Variants in MARCHF1 observed in about 807,000 individuals in gnomAD.
The protein encoded by MARCHF1 is E3 ubiquitin-protein ligase MARCHF1.
Under a neutral mutation model 54.2 loss-of-function variants are expected in MARCHF1, and 40 were observed. The ratio of observed to expected loss-of-function variants is 0.74; its 90% CI spans 0.57 to 0.96. MARCHF1 has a LOEUF of 0.96. Ranked by LOEUF, MARCHF1 falls within the 40% of genes least tolerant of loss-of-function variation. MARCHF1 has a pLI of 0.00. For missense variants in MARCHF1, 586 were observed against 656.5 expected (o/e 0.89, Z 1.17); for synonymous variants, 236 against 236.3 (o/e 1.00, Z 0.01).
intron 3 of MARCHF1, among the ~76,000 whole-genome samples, chr4:163,886,564 G>A (rs1750544128): frequency 6.6e-6 from 1 of 152,074 alleles, no homozygotes; most frequent in South Asian, 2.1e-4. Flanking sequence ...AGAATAAGCA[G>A]AGAAGAGGAG....
At chr4:164,187,736 A>C (rs1731009808) in intron 1 of MARCHF1, among the ~76,000 whole-genome samples, 1 of 152,184 alleles carries the variant, frequency 6.6e-6, no homozygotes, top group South Asian at 2.1e-4. Flanking sequence ...CGTTTTTAGT[A>C]ATAAAAATAA....
At chr4:164,119,170 G>A (rs900192432) in intron 1 of MARCHF1, among the ~76,000 whole-genome samples, 1 of 151,456 alleles carries the variant, frequency 6.6e-6, no homozygotes, top group Admixed American at 6.6e-5. Context: ...GTATTCCCCA[G>A]TCACAATGCA....
chr4:164,145,015 G>A (rs200323294), intron 1 of MARCHF1, among the ~76,000 whole-genome samples: 95,602 of 121,026 alleles, frequency 0.79, 37,840 homozygotes, highest in Non-Finnish European at 0.85. Context: ...ACAGAAATAC[G>A]AACTACCGTC....
chr4:164,008,433 GA>G (rs1753343355), intron 2 of MARCHF1, among the ~76,000 whole-genome samples: 1 of 152,024 alleles, frequency 6.6e-6, no homozygotes, highest in African/African-American at 2.4e-5. Flanking sequence ...CATCTAGACA[GA>G]AAATAAAATG....
intron 9 of MARCHF1, among the ~76,000 whole-genome samples, chr4:163,532,859 C>T (rs1238674663): frequency 6.6e-6 from 1 of 151,888 alleles, no homozygotes; most frequent in East Asian, 1.9e-4. Context: ...ACACTGAAAA[C>T]ACTGAACGTT....
intron 1 of MARCHF1, among the ~76,000 whole-genome samples, chr4:164,244,397 C>T (rs1392077270): frequency 1.3e-5 from 2 of 151,942 alleles, no homozygotes; most frequent in African/African-American, 4.8e-5. Context: ...TAAAGATGTT[C>T]TCTGAAACCA....
intron 3 of MARCHF1, among the ~76,000 whole-genome samples, chr4:163,938,663 C>T (rs1213175017): frequency 1.3e-5 from 2 of 152,012 alleles, no homozygotes; most frequent in African/African-American, 4.8e-5. Context: ...GAAGAAATAC[C>T]CCAGGCTGTG....
intron 1 of MARCHF1, among the ~76,000 whole-genome samples, chr4:164,182,409 G>T (rs10517803): frequency 0.15 from 22,157 of 151,736 alleles, 2,161 homozygotes; most frequent in African/African-American, 0.26. Context: ...ATTTTCTAAG[G>T]TAGGTATATA....
At chr4:164,215,089 C>T (rs574066542) in intron 1 of MARCHF1, among the ~76,000 whole-genome samples, 1 of 152,336 alleles carries the variant, frequency 6.6e-6, no homozygotes, top group Non-Finnish European at 1.5e-5. Context: ...CAATTAGACC[C>T]TTCCTTATCA....
At chr4:163,851,942 A>G (rs1304038952) in intron 4 of MARCHF1, among the ~76,000 whole-genome samples, 4 of 152,212 alleles carry the variant, frequency 2.6e-5, no homozygotes, top group African/African-American at 9.6e-5. Context: ...CCCATAACAC[A>G]AGGAAGAAAT....
At chr4:164,295,251 T>C (rs1347371722) in intron 1 of MARCHF1, among the ~76,000 whole-genome samples, 1 of 152,180 alleles carries the variant, frequency 6.6e-6, no homozygotes, top group African/African-American at 2.4e-5. Context: ...GAATAATGTT[T>C]TTCTCCTGGC....
At chr4:163,825,629 A>T in intron 4 of MARCHF1, among the ~76,000 whole-genome samples, 1 of 151,998 alleles carries the variant, frequency 6.6e-6, no homozygotes, top group Non-Finnish European at 1.5e-5. Context: ...TTTTAATAGT[A>T]GCCATTCTGA....
At chr4:163,874,377 T>G (rs12504215) in intron 3 of MARCHF1, among the ~76,000 whole-genome samples, 91,098 of 151,924 alleles carry the variant, frequency 0.6, 29,549 homozygotes, top group South Asian at 0.76. Flanking sequence ...CCGTTCAATA[T>G]CAGCTCTACA....
intron 5 of MARCHF1, among the ~76,000 whole-genome samples, chr4:163,667,964 G>T (rs559698487): frequency 6.6e-6 from 1 of 152,088 alleles, no homozygotes; most frequent in Non-Finnish European, 1.5e-5. Flanking sequence ...GATTTTTACG[G>T]TCCTGCTTTT....
chr4:164,173,319 C>A (rs1730578179), intron 1 of MARCHF1, among the ~76,000 whole-genome samples: 1 of 152,062 alleles, frequency 6.6e-6, no homozygotes, highest in Non-Finnish European at 1.5e-5. Flanking sequence ...TTATTTGCTC[C>A]AAAATGCATA....
chr4:163,846,211 T>A (rs1749481171), intron 4 of MARCHF1, among the ~76,000 whole-genome samples: 1 of 152,206 alleles, frequency 6.6e-6, no homozygotes, highest in Non-Finnish European at 1.5e-5. Context: ...CTCTATCTGC[T>A]CTGACTTGAT....
At chr4:164,275,941 T>G (rs1305084803) in intron 1 of MARCHF1, among the ~76,000 whole-genome samples, 1 of 152,220 alleles carries the variant, frequency 6.6e-6, no homozygotes, top group Non-Finnish European at 1.5e-5. Flanking sequence ...CATTACACTA[T>G]TAATTTGTCA....
chr4:164,207,251 G>A (rs1731632235), intron 1 of MARCHF1, among the ~76,000 whole-genome samples: 1 of 152,118 alleles, frequency 6.6e-6, no homozygotes, highest in Non-Finnish European at 1.5e-5. Flanking sequence ...TGATCTCCTG[G>A]TTACAGCACT....
intron 1 of MARCHF1, among the ~76,000 whole-genome samples, chr4:164,146,292 T>G (rs1203383557): frequency 2.7e-5 from 4 of 147,980 alleles, no homozygotes; most frequent in Non-Finnish European, 5.9e-5. Flanking sequence ...AAGCTACCAA[T>G]GACTTTCTTC....
Sources: gnomAD v4.1 joint callset for allele counts (sites outside exome capture counted in the v4.1 genomes callset) on GRCh38, gnomAD v4.1.1 for gene constraint, MANE v1.5 for transcripts, NCBI Gene and HGNC (gene_info 2026-07-23, HGNC 2026-07-21) for gene names.